XYLT1: variants seen among roughly 807,000 people sequenced by gnomAD.
XYLT1 encodes the protein xylosyltransferase 1, also known as beta-D-xylosyltransferase 1.
Under a neutral mutation model 91.3 loss-of-function variants are expected in XYLT1, and 36 were observed. The observed-to-expected ratio is 0.39, with a 90% confidence interval of 0.30 to 0.52. XYLT1 has a LOEUF of 0.52. XYLT1 is among the 20% of genes least tolerant of loss of function. The pLI is 0.68. For synonymous variants in XYLT1, 588 were observed against 532.0 expected (o/e 1.11, Z -1.45); for missense variants, 1,242 against 1,284.5 (o/e 0.97, Z 0.51).
intron 6 of XYLT1, among the ~76,000 whole-genome samples, chr16:17,154,881 G>A (rs755518808): frequency 2.5e-4 from 38 of 152,084 alleles, no homozygotes; most frequent in Non-Finnish European, 4.7e-4. Flanking sequence ...GGCACCCCGT[G>A]GCCTATTCTG....
At chr16:17,214,121 G>A (rs969129365) in intron 3 of XYLT1, among the ~76,000 whole-genome samples, 5 of 152,248 alleles carry the variant, frequency 3.3e-5, no homozygotes, top group East Asian at 1.9e-4. Context: ...GTGCCCCCTA[G>A]GGGACCAGCA....
chr16:17,439,658 T>C (rs1313955501), intron 1 of XYLT1, among the ~76,000 whole-genome samples: 1 of 152,104 alleles, frequency 6.6e-6, no homozygotes, highest in African/African-American at 2.4e-5. Context: ...AACACTGTAG[T>C]AGTAGGTTCT....
intron 2 of XYLT1, among the ~76,000 whole-genome samples, chr16:17,285,360 G>A (rs1457298808): frequency 6.6e-6 from 1 of 152,218 alleles, no homozygotes; most frequent in Non-Finnish European, 1.5e-5. Flanking sequence ...CATCCCGGAA[G>A]CCCTGGGAAC....
chr16:17,170,936 C>T (rs1047387581), intron 5 of XYLT1, among the ~76,000 whole-genome samples: 12 of 152,042 alleles, frequency 7.9e-5, no homozygotes, highest in African/African-American at 2.9e-4. Flanking sequence ...TTTAGCTAGT[C>T]GATGCTCAAT....
intron 2 of XYLT1, among the ~76,000 whole-genome samples, chr16:17,317,929 T>G (rs1201294811): frequency 6.6e-6 from 1 of 152,206 alleles, no homozygotes; most frequent in African/African-American, 2.4e-5. Context: ...TCCTTGAATA[T>G]CTGTCTAGTT....
At chr16:17,213,237 C>T (rs1048016852) in intron 3 of XYLT1, among the ~76,000 whole-genome samples, 1 of 152,206 alleles carries the variant, frequency 6.6e-6, no homozygotes, top group Non-Finnish European at 1.5e-5. Context: ...GACATACCTA[C>T]ATCCCCCTTT....
chr16:17,224,167 A>G (rs2033022405), intron 3 of XYLT1, among the ~76,000 whole-genome samples: 1 of 152,246 alleles, frequency 6.6e-6, no homozygotes. Flanking sequence ...GCTGTGGTAT[A>G]TTGGTCATCT....
chr16:17,265,692 C>T (rs1330965285), intron 2 of XYLT1, among the ~76,000 whole-genome samples: 1 of 152,140 alleles, frequency 6.6e-6, no homozygotes. Context: ...CATAATATGG[C>T]TCCGAGAAGC....
Position 17,108,412 on chromosome 16 carries a change from T to C in XYLT1, c.*283A>G. 2.7e-6 allele frequency: 1 copy of C among 365,842 alleles called. No homozygotes were observed. The highest frequency in any genetic ancestry group is 4.9e-6 in the Non-Finnish European group (1 of 204,736). 22.7% of individuals were successfully genotyped at this position (365,842 alleles called of 1,614,324 possible). ...ACGTCTGGGGTCAGGGGTGGGTCAC[T>C]GGAAGGGGAAGACAAGGAACCTGTA... is the stretch of plus-strand genomic sequence containing the variant. On this transcript the variant is annotated 3_prime_UTR_variant, in exon 12 of 12. Transcript: ENST00000261381.
intron 3 of XYLT1, among the ~76,000 whole-genome samples, chr16:17,247,735 A>G (rs191258959): frequency 6.6e-6 from 1 of 152,312 alleles, no homozygotes; most frequent in East Asian, 1.9e-4. Flanking sequence ...GGTCAGGTCA[A>G]TGATAGTGAA....
At chr16:17,431,853 A>G (rs2036396289) in intron 1 of XYLT1, among the ~76,000 whole-genome samples, 1 of 152,242 alleles carries the variant, frequency 6.6e-6, no homozygotes, top group Admixed American at 6.5e-5. Context: ...GTGTGTGGCT[A>G]GCAAGACTGG....
Position 17,117,701 on chromosome 16 carries a change from C to T in XYLT1, c.2502G>A (p.Glu834=), listed in dbSNP as rs145244421. The change falls in exon 11 of 12, where the codon GAG becomes GAA. Residue 834 remains glutamate (E), a synonymous_variant. Transcript: ENST00000261381. ...TCAGAGGCGCAACGAGGAATTTGGT[C>T]TCTGCAACTGGCACCCAGTGGTGGA... is the stretch of plus-strand genomic sequence containing the variant. ...KILHHWVPVA[E]TKFLVAPLTF... is the part of the protein sequence containing the mutation. The T allele has an allele frequency of 1.9e-6, 3 of 1,614,138 alleles. No individual in the cohort carries two copies. Among genetic ancestry groups the T allele is most frequent in the Non-Finnish European group, 2.5e-6 (3 of 1,180,008 alleles).
chr16:17,201,829 T>C (rs1216741095), intron 3 of XYLT1, among the ~76,000 whole-genome samples: 1 of 152,120 alleles, frequency 6.6e-6, no homozygotes, highest in Non-Finnish European at 1.5e-5. Flanking sequence ...AGCCTTTCTG[T>C]TCCCACACGG....
intron 1 of XYLT1, among the ~76,000 whole-genome samples, chr16:17,407,262 G>A (rs1378323927): frequency 6.6e-6 from 1 of 152,118 alleles, no homozygotes; most frequent in Non-Finnish European, 1.5e-5. Context: ...GCCTCCCAAA[G>A]TGCTAGGATT....
chr16:17,135,919 A>G (rs2030701305), intron 8 of XYLT1, among the ~76,000 whole-genome samples: 1 of 152,250 alleles, frequency 6.6e-6, no homozygotes, highest in African/African-American at 2.4e-5. Flanking sequence ...TTATAGAAGC[A>G]GGCAGTGGGC....
intron 8 of XYLT1, among the ~76,000 whole-genome samples, chr16:17,134,953 G>A (rs2030654688): frequency 1.4e-5 from 2 of 144,378 alleles, no homozygotes; most frequent in African/African-American, 4.9e-5. Context: ...GCAATGATAG[G>A]CACTTAGTAA....
chr16:17,435,175 G>T (rs1407521085), intron 1 of XYLT1, among the ~76,000 whole-genome samples: 2 of 152,230 alleles, frequency 1.3e-5, no homozygotes, highest in African/African-American at 4.8e-5. Context: ...GGTTACACCA[G>T]GCTGAAGTGT....
intron 1 of XYLT1, among the ~76,000 whole-genome samples, chr16:17,427,331 C>A (rs946073334): frequency 6.6e-6 from 1 of 152,258 alleles, no homozygotes; most frequent in Non-Finnish European, 1.5e-5. Context: ...CAGAGTCTGG[C>A]TCTGCCACCT....
In XYLT1 at chr16:17,333,976, T is replaced by G. The variant is rs113955657; in HGVS notation, c.402+24036A>C. 1.8e-3 allele frequency among the ~76,000 whole-genome samples: 281 copies of G among 152,298 alleles called. 1 individual carries two copies. The highest frequency in any genetic ancestry group is 6.5e-3 in the African/African-American group (269 of 41,564). ...GCCAGAAGAGTTCCGCTATCATGCA[T>G]GGGGTTAGTCCCTTACAAAAGGTAT... On this transcript the variant is annotated intron_variant, in intron 2 of 11. Transcript: ENST00000261381.
Sources: gnomAD v4.1 joint callset for allele counts (sites outside exome capture counted in the v4.1 genomes callset) on GRCh38, gnomAD v4.1.1 for gene constraint, MANE v1.5 for transcripts, NCBI Gene and HGNC (gene_info 2026-07-23, HGNC 2026-07-21) for gene names.